TRDMT1: variants seen among roughly 807,000 people sequenced by gnomAD.
The protein encoded by TRDMT1 is tRNA (cytosine(38)-C(5))-methyltransferase.
Under a neutral mutation model 51.2 loss-of-function variants are expected in TRDMT1, and 49 were observed. That is an observed-to-expected ratio of 0.96 (90% CI 0.76 to 1.21). The LOEUF (loss-of-function observed/expected upper bound fraction) is 1.21. Among genes scored for constraint, TRDMT1 ranks in the 50% most tolerant of loss-of-function variants. TRDMT1 has a pLI of 0.00. For missense variants in TRDMT1, 534 were observed against 462.3 expected (o/e 1.16, Z -1.42); for synonymous variants, 187 against 164.6 (o/e 1.14, Z -1.04).
At chr10:17,156,940 T>C (rs1313641924) in intron 8 of TRDMT1, among the ~76,000 whole-genome samples, 2 of 152,192 alleles carry the variant, frequency 1.3e-5, no homozygotes, top group Non-Finnish European at 2.9e-5. Context: ...CTTACAATCT[T>C]AGTTATCTTT....
chr10:17,153,732 C>T (rs1839105546), intron 9 of TRDMT1, 96 bp from the exon 10 acceptor site: 1 of 1,317,904 alleles, frequency 7.6e-7, no homozygotes, highest in Non-Finnish European at 1.0e-6. Flanking sequence ...GACATACAGT[C>T]TGCTGTAACA....
intron 3 of TRDMT1, 33 bp downstream of exon 3, chr10:17,168,808 C>T: frequency 2.6e-5 from 38 of 1,472,402 alleles, no homozygotes; most frequent in Non-Finnish European, 3.6e-5. Context: ...TGAAAATGGA[C>T]CAATACAACA....
At chr10:17,177,746 A>ACACACACACT (rs58215363) in intron 1 of TRDMT1, among the ~76,000 whole-genome samples, 1 of 151,806 alleles carries the variant, frequency 6.6e-6, no homozygotes, top group African/African-American at 2.4e-5. Context: ...ACACACACAC[A>ACACACACACT]GACATTTGAA....
intron 2 of TRDMT1, among the ~76,000 whole-genome samples, chr10:17,169,787 G>C (rs1352176755): frequency 6.6e-6 from 1 of 152,198 alleles, no homozygotes; most frequent in Non-Finnish European, 1.5e-5. Context: ...TTAACAGTTT[G>C]AATGTGCTTG....
intron 6 of TRDMT1, among the ~76,000 whole-genome samples, chr10:17,159,993 T>C (rs1402893218): frequency 6.6e-6 from 1 of 152,148 alleles, no homozygotes; most frequent in Non-Finnish European, 1.5e-5. Context: ...TTATTAATTA[T>C]TAACATTATT....
At position 17,201,640 on chromosome 10, in the gene TRDMT1, C is replaced by A; in HGVS notation, c.-6G>T. 6.5e-7 allele frequency: 1 copy of A among 1,540,762 alleles called. No homozygotes were observed. Among genetic ancestry groups the A allele is most frequent in the Non-Finnish European group, 8.7e-7 (1 of 1,143,804 alleles). ...AGCACCCGCAGGGGCTCCATCCCCG[C>A]GCCTCAGCCGCCGCAGCCCCGGAGC... On this transcript the variant is annotated 5_prime_UTR_variant, in exon 1 of 11. Transcript: ENST00000377799.
rs1201078697 is a variant in TRDMT1 at position 17,160,376 on chromosome 10, T to C, written c.390-2A>G. ...TCTATTGTTTGTATCAAGAGGTCTC[T>C]AAAAAGAAAAAAAAAAAACTTTAAT... On this transcript the variant is annotated splice_acceptor_variant, in intron 5 of 10. Transcript: ENST00000377799. LOFTEE classifies it high-confidence loss of function. The C allele has an allele frequency of 3.3e-6, 5 of 1,499,132 alleles. No homozygotes were observed. The Middle Eastern group carries it at 6.2e-4, about 187-fold the overall frequency. The allele number at this position is 1,499,132 out of a possible 1,614,324, so 92.9% of individuals were successfully genotyped here. A position where few individuals can be genotyped will look rare whatever the true frequency, so the allele number is the denominator to read the frequency against.
At chr10:17,196,154 T>G (rs746022439) in intron 1 of TRDMT1, among the ~76,000 whole-genome samples, 3 of 152,368 alleles carry the variant, frequency 2.0e-5, no homozygotes, top group Middle Eastern at 3.4e-3. Flanking sequence ...AGAAAATGAA[T>G]AATTAATACG....
rs183668212 is a variant in TRDMT1, at chr10:17,160,135, T to C, written c.459+170A>G. On this transcript the variant is annotated intron_variant, in intron 6 of 10. Transcript: ENST00000377799. ...CATAAAATATGTATGAATGAATTTA[T>C]ATGCATGCACTAAATTCTTTGGGAA... Among the ~76,000 whole-genome samples the C allele has an allele frequency of 8.7e-4, 133 of 152,264 alleles. No individual in the cohort carries two copies. The Middle Eastern group carries it at 0.014, about 16-fold the overall frequency.
chr10:17,160,633 G>C (rs1378789688), intron 5 of TRDMT1, among the ~76,000 whole-genome samples: 3 of 151,954 alleles, frequency 2.0e-5, no homozygotes, highest in Non-Finnish European at 4.4e-5. Context: ...ACCACGCCTG[G>C]CTAATTTTTT....
In TRDMT1 at chr10:17,156,722, C is replaced by T. The variant is rs150770199; in HGVS notation, c.887+719G>A. On this transcript the variant is annotated intron_variant, in intron 8 of 10. Transcript: ENST00000377799. ...AGAAAGTCCTTTAAGTACTGATATG[C>T]GATAATATTCTATTTATATTGTGCA... 4.6e-3 allele frequency among the ~76,000 whole-genome samples: 702 copies of T among 151,866 alleles called. 5 individuals carry two copies. The highest frequency in any genetic ancestry group is 0.023 in the East Asian group (117 of 5,166).
chr10:17,160,320 T>C lies in TRDMT1; in HGVS notation c.444A>G (p.Leu148=), dbSNP rs748436769. The change falls in exon 6 of 11, where the codon CTA becomes CTG. Residue 148 remains leucine, a synonymous_variant. Coordinates refer to ENST00000377799, the MANE Select transcript of TRDMT1 (RefSeq NM_004412.7). ...TGATACCTACAGAGGTTGGAGATAA[T>C]AGAAACTCTTGGTACTGAAAGCCAC... ...ENCGFQYQEF[L]LSPTSLGIPN... The C allele has an allele frequency of 3.8e-6, 6 of 1,565,080 alleles. No homozygotes were observed. The South Asian group carries it at 4.9e-5, about 13-fold the overall frequency.
intron 1 of TRDMT1, among the ~76,000 whole-genome samples, chr10:17,196,573 T>A (rs1019117600): frequency 2.0e-5 from 3 of 152,264 alleles, no homozygotes; most frequent in Admixed American, 1.3e-4. Context: ...CTTTGTAGAC[T>A]GTGCAGACAT....
At chr10:17,153,769 A>G in intron 9 of TRDMT1, 133 bp from the exon 10 acceptor site, 1 of 850,682 alleles carries the variant, frequency 1.2e-6, no homozygotes, top group Non-Finnish European at 1.8e-6. Context: ...ACAGGGCAAA[A>G]TGGCTCTGTG....
intron 1 of TRDMT1, among the ~76,000 whole-genome samples, chr10:17,186,710 A>C (rs1171917980): frequency 6.6e-6 from 1 of 152,222 alleles, no homozygotes; most frequent in African/African-American, 2.4e-5. Context: ...AGAGATGTAA[A>C]GAAAATATTT....
intron 10 of TRDMT1, chr10:17,151,999 G>A (rs1838801380): frequency 7.7e-7 from 1 of 1,296,190 alleles, no homozygotes; most frequent in Non-Finnish European, 1.0e-6. Context: ...AGTGACTACT[G>A]CCCTTTGAAA....
At chr10:17,159,061 T>C (rs753510690) in intron 7 of TRDMT1, 85 bp downstream of exon 7, 29 of 883,636 alleles carry the variant, frequency 3.3e-5, no homozygotes, top group Non-Finnish European at 4.8e-5. Flanking sequence ...CTACACAAAG[T>C]AGTTCTTGAA....
chr10:17,192,168 T>G (rs7075787), intron 1 of TRDMT1, among the ~76,000 whole-genome samples: 20,780 of 151,978 alleles, frequency 0.14, 1,496 homozygotes, highest in Admixed American at 0.17. Flanking sequence ...AAATATAGTC[T>G]GAAGGTAAAG....
At position 17,153,547 on chromosome 10, in the gene TRDMT1, A is replaced by G; in HGVS notation, c.1035T>C (p.Pro345=). The G allele has an allele frequency of 6.2e-7, 1 of 1,613,992 alleles. No individual in the cohort carries two copies. The highest frequency in any genetic ancestry group is 8.5e-7 in the Non-Finnish European group (1 of 1,179,928). ...LLILKLRYFT[P]KEIANLLGFP... is the part of the protein sequence containing the mutation. ...ATCCAAGGAGATTTGCTATTTCTTTAGGAGTGAAATATCGCAGTTTAAGTA... is the reference window on the plus strand; with the variant it reads ...ATCCAAGGAGATTTGCTATTTCTTTGGGAGTGAAATATCGCAGTTTAAGTA... Residue 345 remains proline, a synonymous_variant, in exon 10 of 11, where the codon CCT becomes CCC. Transcript: ENST00000377799.
Sources: gnomAD v4.1 joint callset for allele counts (sites outside exome capture counted in the v4.1 genomes callset) on GRCh38, gnomAD v4.1.1 for gene constraint, MANE v1.5 for transcripts, NCBI Gene and HGNC (gene_info 2026-07-23, HGNC 2026-07-21) for gene names.